DLGAP2: variants seen among roughly 807,000 people sequenced by gnomAD.
DLGAP2 encodes DLG associated protein 2.
DLGAP2 carries 26 observed loss-of-function variants against 100.3 expected under a neutral mutation model. The observed-to-expected ratio is 0.26, with a 90% CI of 0.19 to 0.36. DLGAP2 has a LOEUF of 0.36. Among genes scored for constraint, DLGAP2 ranks in the 10% least tolerant of loss-of-function variants. The probability of loss-of-function intolerance (pLI) is 1.00; values close to 1 mark genes in which losing one functional copy is unlikely to be tolerated. For synonymous variants in DLGAP2, 886 were observed against 630.1 expected, an observed-to-expected ratio of 1.41 and a Z score of -6.08; for missense variants, 1,858 against 1,453.2, an observed-to-expected ratio of 1.28 and a Z score of -4.53.
chr8:1,139,187 G>A (rs1157951500), intron 2 of DLGAP2, among the ~76,000 whole-genome samples: 2 of 152,216 alleles, frequency 1.3e-5, no homozygotes, highest in Admixed American at 1.3e-4. Flanking sequence ...CTGCCTGTGA[G>A]ACTGGGGTGT....
intron 8 of DLGAP2, among the ~76,000 whole-genome samples, chr8:1,651,442 C>T (rs908887458): frequency 6.6e-6 from 1 of 152,174 alleles, no homozygotes; most frequent in African/African-American, 2.4e-5. Context: ...CCCCTAGTTA[C>T]CTCCCCCATC....
chr8:1,446,251 C>A (rs903157847), intron 3 of DLGAP2, among the ~76,000 whole-genome samples: 7 of 152,136 alleles, frequency 4.6e-5, no homozygotes, highest in South Asian at 2.1e-4. Flanking sequence ...TTTAATCGAT[C>A]TTGAATTAAT....
intron 2 of DLGAP2, among the ~76,000 whole-genome samples, chr8:1,039,890 G>GTT (rs1802270106): frequency 1.3e-5 from 2 of 148,558 alleles, no homozygotes; most frequent in East Asian, 2.0e-4. Context: ...GGTCGGCTCG[G>GTT]TATGCATGGT....
intron 12 of DLGAP2, among the ~76,000 whole-genome samples, chr8:1,684,142 C>T (rs4517147): frequency 0.11 from 16,156 of 150,598 alleles, 1,293 homozygotes; most frequent in East Asian, 0.28. Flanking sequence ...CCCCTACACC[C>T]GGCTAATTTT....
intron 6 of DLGAP2, among the ~76,000 whole-genome samples, chr8:1,577,560 T>C (rs1170240905): frequency 1.9e-4 from 18 of 92,516 alleles, no homozygotes; most frequent in Admixed American, 4.8e-4. Flanking sequence ...AGAATTACAC[T>C]CTCTCTCAAA....
At chr8:1,096,993 C>G (rs1229671593) in intron 2 of DLGAP2, among the ~76,000 whole-genome samples, 39 of 133,774 alleles carry the variant, frequency 2.9e-4, no homozygotes, top group South Asian at 7.5e-4. Flanking sequence ...GTGAGACCCA[C>G]CTCCCTGTGC....
chr8:874,731 G>A (rs1436405514), intron 1 of DLGAP2, among the ~76,000 whole-genome samples: 3 of 152,134 alleles, frequency 2.0e-5, no homozygotes, highest in African/African-American at 7.2e-5. Context: ...TAGGTCTAAT[G>A]GGTTTACAGT....
intron 2 of DLGAP2, among the ~76,000 whole-genome samples, chr8:958,581 C>CAAAAAAAAAAAAAAAAAAAAAAA (rs1563114216): frequency 1.3e-5 from 1 of 78,048 alleles, no homozygotes; most frequent in Non-Finnish European, 2.6e-5. Flanking sequence ...AACTAGACCT[C>CAAAAAAAAAAAAAAAAAAAAAAA]CAAAAAAAAA....
At chr8:1,658,422 A>G (rs557022428) in intron 8 of DLGAP2, among the ~76,000 whole-genome samples, 2 of 152,282 alleles carry the variant, frequency 1.3e-5, no homozygotes, top group African/African-American at 4.8e-5. Flanking sequence ...GTTCTGGGAT[A>G]CATGTGCAGA....
chr8:1,229,981 C>T (rs1353933771), intron 2 of DLGAP2, among the ~76,000 whole-genome samples: 2 of 152,172 alleles, frequency 1.3e-5, no homozygotes, highest in Non-Finnish European at 2.9e-5. Flanking sequence ...TGCCCACTCT[C>T]ACCACTCCTA....
chr8:1,332,003 A>T (rs1801168026), intron 3 of DLGAP2, among the ~76,000 whole-genome samples: 1 of 152,234 alleles, frequency 6.6e-6, no homozygotes. Context: ...CAGGGCTGGC[A>T]GCACACGGCA....
rs533689399 is a variant in DLGAP2, at chr8:1,546,510, T to C, written c.173-2116T>C. On this transcript the variant is annotated intron_variant, in intron 4 of 14. Coordinates refer to ENST00000637795, the MANE Select transcript of DLGAP2 (RefSeq NM_001346810.2). ...GGCCCAGACGGCTGGCCGTCCTGGA[T>C]CCTGAAATCTGCGACGTTTTGAGGC... 4.6e-5 allele frequency among the ~76,000 whole-genome samples: 7 copies of C among 152,368 alleles called. No homozygotes were observed. The South Asian group carries it at 1.4e-3, about 32-fold the overall frequency.
chr8:1,102,358 T>C (rs1804613920), intron 2 of DLGAP2, among the ~76,000 whole-genome samples: 4 of 147,792 alleles, frequency 2.7e-5, no homozygotes, highest in Non-Finnish European at 6.0e-5. Flanking sequence ...ATTATATATC[T>C]ATTATATATT....
intron 6 of DLGAP2, among the ~76,000 whole-genome samples, chr8:1,578,506 G>T (rs1335750165): frequency 6.6e-6 from 1 of 152,044 alleles, no homozygotes; most frequent in African/African-American, 2.4e-5. Context: ...TTAATTGGCT[G>T]TTATCAGCCC....
chr8:1,555,093 T>TATCC (rs1405347294), intron 5 of DLGAP2, among the ~76,000 whole-genome samples: 1 of 152,082 alleles, frequency 6.6e-6, no homozygotes, highest in Non-Finnish European at 1.5e-5. Flanking sequence ...GGGCCGTGAA[T>TATCC]GGATAGGAGA....
intron 1 of DLGAP2, among the ~76,000 whole-genome samples, chr8:745,319 A>G (rs1214331615): frequency 6.6e-6 from 1 of 152,218 alleles, no homozygotes; most frequent in Non-Finnish European, 1.5e-5. Context: ...TGTAGTTTCA[A>G]CCTTTTGTTG....
At chr8:1,452,174 G>A (rs949696276) in intron 3 of DLGAP2, among the ~76,000 whole-genome samples, 1 of 152,246 alleles carries the variant, frequency 6.6e-6, no homozygotes, top group Non-Finnish European at 1.5e-5. Flanking sequence ...ATAGCCCCGT[G>A]GCTGGATGTT....
intron 3 of DLGAP2, among the ~76,000 whole-genome samples, chr8:1,482,926 G>A (rs1290617311): frequency 2.0e-5 from 3 of 152,248 alleles, no homozygotes; most frequent in Non-Finnish European, 2.9e-5. Flanking sequence ...AGAAGAGGGC[G>A]GATGGTCTTG....
chr8:1,357,189 G>T (rs992164599), intron 3 of DLGAP2, among the ~76,000 whole-genome samples: 1 of 152,142 alleles, frequency 6.6e-6, no homozygotes, highest in Admixed American at 6.6e-5. Flanking sequence ...GGGGATCTCA[G>T]TCGCAAGGGT....
Sources: gnomAD v4.1 joint callset for allele counts (sites outside exome capture counted in the v4.1 genomes callset) on GRCh38, gnomAD v4.1.1 for gene constraint, MANE v1.5 for transcripts, NCBI Gene and HGNC (gene_info 2026-07-23, HGNC 2026-07-21) for gene names.